The following RNF24 variants were observed in gnomAD, a reference collection of about 807,000 sequenced individuals.
RNF24 encodes the protein ring finger protein 24.
RNF24 carries 14 observed loss-of-function variants against 20.0 expected under a neutral mutation model. The ratio of observed to expected loss-of-function variants is 0.70; its 90% CI spans 0.46 to 1.10. The LOEUF (loss-of-function observed/expected upper bound fraction) is 1.10. RNF24 is among the 50% of genes least tolerant of loss of function. The pLI is 0.00. For missense variants in RNF24, 124 were observed against 177.6 expected, an observed-to-expected ratio of 0.70 and a Z score of 1.71; for synonymous variants, 45 against 61.1, an observed-to-expected ratio of 0.74 and a Z score of 1.23.
In RNF24 at chr20:3,988,457, CTTT is replaced by C. The variant is rs71195876; in HGVS notation, c.-7-24436_-7-24434del. Among the ~76,000 whole-genome samples the C allele has an allele frequency of 7.9e-3, 787 of 99,634 alleles. 6 individuals are homozygous for C. Among genetic ancestry groups the C allele is most frequent in the African/African-American group, 0.028 (701 of 25,144 alleles). The allele number at this position is 99,634 out of a possible 152,430, so 65.4% of individuals were successfully genotyped here. On this transcript the variant is annotated intron_variant, in intron 1 of 5. Coordinates refer to ENST00000358395, the MANE Select transcript of RNF24 (RefSeq NM_001134337.3). ...TAGAGATGGCTCATGAAAAGAAACT[CTTT>C]TTTTTTTTTTTTTTTTTGAGACATG...
intron 4 of RNF24, among the ~76,000 whole-genome samples, chr20:3,935,731 G>C (rs2090882784): frequency 6.6e-6 from 1 of 152,216 alleles, no homozygotes; most frequent in Admixed American, 6.5e-5. Flanking sequence ...CCAGGGGCTG[G>C]GTTCCAACAC....
At chr20:4,005,837 A>G (rs1981821860) in intron 1 of RNF24, among the ~76,000 whole-genome samples, 1 of 149,416 alleles carries the variant, frequency 6.7e-6, no homozygotes, top group Non-Finnish European at 1.5e-5. Context: ...ATACTGATAG[A>G]CAGCAGTGAA....
At position 3,990,718 on chromosome 20, in the gene RNF24, A is replaced by T. The variant is rs138278710; in HGVS notation, c.-8+24719T>A. On this transcript the variant is annotated intron_variant, in intron 1 of 5. Coordinates refer to ENST00000358395, the MANE Select transcript of RNF24 (RefSeq NM_001134337.3). ...TATATATACACACACACATATATATATTTTTTAATTAGCTGGGCATGGTGG... is the reference window on the plus strand; with the variant it reads ...TATATATACACACACACATATATATTTTTTTTAATTAGCTGGGCATGGTGG... 1.7e-3 allele frequency among the ~76,000 whole-genome samples: 256 copies of T among 152,102 alleles called. 1 individual carries two copies. The highest frequency in any genetic ancestry group is 1.4e-3 in the Non-Finnish European group (96 of 68,010).
At position 3,932,425 on chromosome 20, in the gene RNF24, A is replaced by G. The variant is rs2146932266; in HGVS notation, c.*1638T>C. 6.5e-6 allele frequency: 1 copy of G among 152,960 alleles called. No individual in the cohort carries two copies. Among genetic ancestry groups the G allele is most frequent in the East Asian group, 1.9e-4 (1 of 5,212 alleles). The allele number at this position is 152,960 out of a possible 1,614,324, so 9.5% of individuals were successfully genotyped here. On this transcript the variant is annotated 3_prime_UTR_variant, in exon 6 of 6. Transcript: ENST00000358395. Reference sequence around the variant, plus strand: ...ATAGGTCACACATAGGAAATGGCCTATTTTGACCAACTGGATTTGTAATTT... The same window carrying G: ...ATAGGTCACACATAGGAAATGGCCTGTTTTGACCAACTGGATTTGTAATTT...
chr20:3,997,278 C>G (rs1205619199), intron 1 of RNF24, among the ~76,000 whole-genome samples: 1 of 151,342 alleles, frequency 6.6e-6, no homozygotes, highest in East Asian at 1.9e-4. Flanking sequence ...TTATTTTAAG[C>G]CACTTGTTTC....
At chr20:3,947,068 G>A (rs2091027521) in intron 3 of RNF24, among the ~76,000 whole-genome samples, 1 of 152,052 alleles carries the variant, frequency 6.6e-6, no homozygotes, top group Non-Finnish European at 1.5e-5. Flanking sequence ...GCAGATAGAT[G>A]GCTGTCGTCC....
At chr20:3,955,972 T>C (rs559662082) in intron 2 of RNF24, among the ~76,000 whole-genome samples, 5 of 152,238 alleles carry the variant, frequency 3.3e-5, no homozygotes, top group Admixed American at 6.5e-5. Context: ...TTTTGTGTAT[T>C]GATCTTAGAC....
chr20:3,967,623 T>C (rs541014902), intron 1 of RNF24, among the ~76,000 whole-genome samples: 1 of 152,266 alleles, frequency 6.6e-6, no homozygotes, highest in African/African-American at 2.4e-5. Context: ...GGTAGCCACA[T>C]TCTTCTTAGA....
intron 1 of RNF24, among the ~76,000 whole-genome samples, chr20:3,975,877 T>C (rs1370691776): frequency 6.6e-6 from 1 of 152,022 alleles, no homozygotes; most frequent in Non-Finnish European, 1.5e-5. Flanking sequence ...TTGCTATTTT[T>C]TTTTTTGCAA....
At position 3,951,799 on chromosome 20, in the gene RNF24, C is replaced by T. The variant is rs1158152788; in HGVS notation, c.144-3520G>A. On this transcript the variant is annotated intron_variant, in intron 2 of 5. Coordinates refer to ENST00000358395, the MANE Select transcript of RNF24 (RefSeq NM_001134337.3). ...ACTTTTTGTTGCTCAAATTGATTGGCCTTGAGTCCTTCAGGCTGACTCTTG... is the reference window on the plus strand; with the variant it reads ...ACTTTTTGTTGCTCAAATTGATTGGTCTTGAGTCCTTCAGGCTGACTCTTG... Among the ~76,000 whole-genome samples the T allele has an allele frequency of 3.9e-5, 6 of 152,106 alleles. No individual in the cohort carries two copies. In the East Asian group the frequency reaches 1.2e-3, roughly 29 times the overall value.
chr20:4,003,633 C>CCT (rs1981597994), intron 1 of RNF24, among the ~76,000 whole-genome samples: 4 of 84,428 alleles, frequency 4.7e-5, no homozygotes, highest in Admixed American at 1.8e-4. Context: ...TTAGAAACTC[C>CCT]TTTTTTTTTT....
rs1473090947 is a variant in RNF24 at position 3,932,924 on chromosome 20, C to A, written c.*1139G>T. 2.5e-6 allele frequency: 1 copy of A among 398,464 alleles called. No individual in the cohort carries two copies. The highest frequency in any genetic ancestry group is 2.1e-5 in the African/African-American group (1 of 48,602). The allele number at this position is 398,464 out of a possible 1,614,324, so 24.7% of individuals were successfully genotyped here. ...CACTTTCACTTTCAGTTTCGGAAGT[C>A]CAAATACTGAGGCACACACCAACGG... On this transcript the variant is annotated 3_prime_UTR_variant, in exon 6 of 6. Transcript: ENST00000358395.
chr20:4,011,171 T>C (rs994966859), intron 1 of RNF24, among the ~76,000 whole-genome samples: 2 of 152,188 alleles, frequency 1.3e-5, no homozygotes, highest in East Asian at 1.9e-4. Context: ...TAAAATGACA[T>C]TGGACTTCTC....
intron 1 of RNF24, among the ~76,000 whole-genome samples, chr20:3,965,246 ACTT>A (rs1442857666): frequency 3.3e-5 from 5 of 152,098 alleles, no homozygotes; most frequent in Admixed American, 2.6e-4. Context: ...AGCAAAGAAA[ACTT>A]CTACTTTTAT....
At position 3,986,400 on chromosome 20, in the gene RNF24, T is replaced by C. The variant is rs146126368; in HGVS notation, c.-7-22376A>G. On this transcript the variant is annotated intron_variant, in intron 1 of 5. Transcript: ENST00000358395. ...CCGAGTGGCTGGGACTACAGGCACATGTCACCATACTCAGCTATTTTTTGA... is the reference window on the plus strand; with the variant it reads ...CCGAGTGGCTGGGACTACAGGCACACGTCACCATACTCAGCTATTTTTTGA... 2.6e-3 allele frequency among the ~76,000 whole-genome samples: 390 copies of C among 151,954 alleles called. 2 individuals are homozygous for C. Among genetic ancestry groups the C allele is most frequent in the African/African-American group, 8.7e-3 (361 of 41,436 alleles).
At chr20:3,935,200 AAG>A in intron 4 of RNF24, 127 bp from the exon 5 acceptor site, 1 of 636,832 alleles carries the variant, frequency 1.6e-6, no homozygotes, top group African/African-American at 1.8e-5. Flanking sequence ...TTAAAAAAAA[AAG>A]AAATGAATGA....
chr20:3,999,586 C>T (rs1241600216), intron 1 of RNF24, among the ~76,000 whole-genome samples: 1 of 152,132 alleles, frequency 6.6e-6, no homozygotes, highest in African/African-American at 2.4e-5. Context: ...GAAACCCCAT[C>T]TCTACCAAAA....
intron 2 of RNF24, among the ~76,000 whole-genome samples, chr20:3,959,852 C>A (rs1023033065): frequency 6.6e-6 from 1 of 152,174 alleles, no homozygotes; most frequent in African/African-American, 2.4e-5. Flanking sequence ...AAATACTTAT[C>A]GAGTGCTTAA....
At chr20:3,996,762 C>A (rs1980901102) in intron 1 of RNF24, among the ~76,000 whole-genome samples, 1 of 152,176 alleles carries the variant, frequency 6.6e-6, no homozygotes. Flanking sequence ...TCATCCCTTT[C>A]TCCATCCTGT....
Sources: allele counts gnomAD v4.1 joint callset (sites outside exome capture counted in the v4.1 genomes callset), GRCh38; gene constraint gnomAD v4.1.1; transcripts MANE v1.5; gene names NCBI Gene and HGNC (gene_info 2026-07-23, HGNC 2026-07-21).